The following CCDC88C variants were observed in gnomAD, a reference collection of about 807,000 sequenced individuals.
The protein encoded by CCDC88C is coiled-coil and HOOK domain protein 88C, also known as protein Daple.
Under a neutral mutation model 198.8 loss-of-function variants are expected in CCDC88C, and 131 were observed. That is an observed-to-expected ratio of 0.66 (90% confidence interval 0.57 to 0.76). The LOEUF (loss-of-function observed/expected upper bound fraction) is 0.76, where lower values mean the gene tolerates loss of function less well. Among genes scored for constraint, CCDC88C ranks in the 30% least tolerant of loss-of-function variants. The pLI, the probability that CCDC88C is intolerant of heterozygous loss-of-function variation, is 0.00. For missense variants in CCDC88C, 2,553 were observed against 2,631.6 expected (o/e 0.97, Z 0.65); for synonymous variants, 1,166 against 1,114.7 (o/e 1.05, Z -0.92).
Position 91,277,952 on chromosome 14 carries a change from C to T in CCDC88C, c.5028G>A (p.Leu1676=). 5.2e-6 allele frequency: 8 copies of T among 1,531,918 alleles called. No homozygotes were observed. Among genetic ancestry groups the T allele is most frequent in the Non-Finnish European group, 7.1e-6 (8 of 1,131,624 alleles). The allele number at this position is 1,531,918 out of a possible 1,614,324, so 94.9% of individuals were successfully genotyped here. ...SSEMVTLEEF[L]EESNRSSPTH... is the part of the protein sequence containing the mutation. Reference sequence around the variant, plus strand: ...TGGGGGAGCTGCGGTTGCTCTCCTCCAGGAACTCCTCCAAGGTGACCATCT... The same window carrying T: ...TGGGGGAGCTGCGGTTGCTCTCCTCTAGGAACTCCTCCAAGGTGACCATCT... The change falls in exon 29 of 30, where the codon CTG becomes CTA. Residue 1676 remains leucine (L), a synonymous_variant. Transcript: ENST00000389857.
In CCDC88C at chr14:91,303,850, C is replaced by G; in HGVS notation, c.3486G>C (p.Ala1162=). ...SLQRQQEQLT[A]AYEALLQDHE... is the part of the protein sequence containing the mutation. Reference sequence around the variant, plus strand: ...GGTCCTGCAGCAGGGCCTCGTAGGCCGCTGTAAGTTGCTCCTGCTGCCTCT... The same window carrying G: ...GGTCCTGCAGCAGGGCCTCGTAGGCGGCTGTAAGTTGCTCCTGCTGCCTCT... Residue 1162 remains alanine, a synonymous_variant, in exon 20 of 30, where the codon GCG becomes GCC. Coordinates refer to ENST00000389857, the MANE Select transcript of CCDC88C (RefSeq NM_001080414.4). 3.1e-6 allele frequency: 5 copies of G among 1,613,260 alleles called. No homozygotes were observed. The South Asian group carries it at 5.5e-5, about 18-fold the overall frequency.
chr14:91,304,072 G>A, intron 19 of CCDC88C, 94 bp from the exon 20 acceptor site: 1 of 1,440,306 alleles, frequency 6.9e-7, no homozygotes, highest in Admixed American at 1.8e-5. Flanking sequence ...CACGAAAATA[G>A]CCGGGACCCT....
rs753059993 is a variant in CCDC88C, at chr14:91,375,255, G to T, written c.271-15544C>A. 2.0e-5 allele frequency among the ~76,000 whole-genome samples: 3 copies of T among 152,140 alleles called. 1 individual carries two copies. The highest frequency in any genetic ancestry group is 4.4e-5 in the Non-Finnish European group (3 of 68,016). On this transcript the variant is annotated intron_variant, in intron 3 of 29. Transcript: ENST00000389857. The stretch of plus-strand genomic sequence containing the variant: ...CAGGCCCCAGGGTTAGCATGCGCGC[G>T]TGTCTGTGTGTGTGTGTGCGCGCGC...
chr14:91,378,209 G>C (rs1386672143), intron 3 of CCDC88C, among the ~76,000 whole-genome samples: 1 of 152,184 alleles, frequency 6.6e-6, no homozygotes, highest in African/African-American at 2.4e-5. Flanking sequence ...CCGCAAGCTG[G>C]CAGAGGTCAC....
At chr14:91,324,745 C>G (rs1379501302) in intron 12 of CCDC88C, 34 bp downstream of exon 12, 1 of 1,604,152 alleles carries the variant, frequency 6.2e-7, no homozygotes, top group East Asian at 2.2e-5. Flanking sequence ...GCGGCCACGG[C>G]CAGGCTGGCT....
At position 91,297,457 on chromosome 14, in the gene CCDC88C, A is replaced by G. The variant is rs892919628; in HGVS notation, c.3814T>C (p.Tyr1272His). The G allele has an allele frequency of 1.0e-5, 16 of 1,573,948 alleles. No individual in the cohort carries two copies. The highest frequency in any genetic ancestry group is 1.4e-5 in the Non-Finnish European group (16 of 1,159,800). The stretch of plus-strand genomic sequence containing the variant: ...TTGGTGTGGGCGTGCAGCTCCTCGT[A>G]CTCCCCCTTCAGCTGGTGGTGCAGG... ...NFLHHQLKGE[Y>H]EELHAHTKEL... Residue 1272 changes from tyrosine (Y) to histidine (H), a missense_variant, in exon 22 of 30, where the codon TAC becomes CAC. Physicochemically the swap from Tyr to His is moderately conservative, Grantham distance 83 (BLOSUM62 2). Transcript: ENST00000389857.
At chr14:91,356,405 TG>T (rs1412632309) in intron 4 of CCDC88C, among the ~76,000 whole-genome samples, 3 of 152,154 alleles carry the variant, frequency 2.0e-5, no homozygotes, top group Non-Finnish European at 4.4e-5. Flanking sequence ...CCCTCGGTGA[TG>T]GGTAGAGTTA....
chr14:91,371,243 C>CT lies in CCDC88C; in HGVS notation c.271-11533dup, dbSNP rs112623897. On this transcript the variant is annotated intron_variant, in intron 3 of 29. Coordinates refer to ENST00000389857, the MANE Select transcript of CCDC88C (RefSeq NM_001080414.4). This position sits in a 1 kb window ranked among gnomAD's most constrained non-coding sequence, Gnocchi z 4.2. The stretch of plus-strand genomic sequence containing the variant: ...ACTGTGACTTCATGGTGGTAGAGTA[C>CT]TTTTTTTTTTTAAGCTTCTTGGCAA... Among the ~76,000 whole-genome samples, 24,303 of 148,184 alleles carry CT rather than the reference C, an allele frequency of 0.16. 2,282 individuals carry two copies. Among genetic ancestry groups the CT allele is most frequent in the African/African-American group, 0.26 (10,710 of 40,460 alleles).
chr14:91,312,210 G>A (rs1384437105), intron 15 of CCDC88C, among the ~76,000 whole-genome samples: 5 of 152,020 alleles, frequency 3.3e-5, no homozygotes, highest in Admixed American at 6.6e-5. Context: ...CCAAGATGGC[G>A]AAACCCCACC....
At position 91,324,927 on chromosome 14, in the gene CCDC88C, G is replaced by A; in HGVS notation, c.1198-4C>T. ...GTTTCTTATCTGTGTCCCGGTCCTGGGGCAAGCAAGAAGAGGCAAGAAGTG... is the reference window on the plus strand; with the variant it reads ...GTTTCTTATCTGTGTCCCGGTCCTGAGGCAAGCAAGAAGAGGCAAGAAGTG... On this transcript the variant is annotated splice_polypyrimidine_tract_variant and splice_region_variant and intron_variant, in intron 11 of 29. Coordinates refer to ENST00000389857, the MANE Select transcript of CCDC88C (RefSeq NM_001080414.4). 14 of 1,613,418 alleles carry A rather than the reference G, an allele frequency of 8.7e-6. No homozygotes were observed. Among genetic ancestry groups the A allele is most frequent in the Non-Finnish European group, 1.1e-5 (13 of 1,179,888 alleles).
chr14:91,321,118 ACCTTCTTGCTGAGCTGGTGGTTCT>A lies in CCDC88C; in HGVS notation c.1505_1527+1del. On this transcript the variant is annotated splice_donor_variant and coding_sequence_variant, in exon 13 of 30. Coordinates refer to ENST00000389857, the MANE Select transcript of CCDC88C (RefSeq NM_001080414.4). LOFTEE classifies it high-confidence loss of function. The stretch of plus-strand genomic sequence containing the variant: ...CCCGGTGGCCTAAGGAGGCCGAGGT[ACCTTCTTGCTGAGCTGGTGGTTCT>A]CCTTCTCCAGCTCCCCGCACTTGAG... 6.2e-7 allele frequency: 1 copy of A among 1,606,666 alleles called. No individual in the cohort carries two copies. Among genetic ancestry groups the A allele is most frequent in the East Asian group, 2.2e-5 (1 of 44,784 alleles).
Position 91,303,736 on chromosome 14 carries a change from C to G in CCDC88C, c.3600G>C (p.Arg1200=). ...RQHSCLKTLH[R]NLELEHKELG... is the part of the protein sequence containing the mutation. ...GCTCCTTGTGCTCCAGCTCCAGATT[C>G]CGATGCAGTGTCTTTAGGCAGCTGT... The change falls in exon 20 of 30, where the codon CGG becomes CGC. Residue 1200 remains arginine (R), a synonymous_variant. Transcript: ENST00000389857. 6.2e-7 allele frequency: 1 copy of G among 1,607,450 alleles called. No individual in the cohort carries two copies. The highest frequency in any genetic ancestry group is 1.3e-5 in the African/African-American group (1 of 74,948).
chr14:91,411,751 T>C (rs1886799202), intron 2 of CCDC88C, among the ~76,000 whole-genome samples: 1 of 151,948 alleles, frequency 6.6e-6, no homozygotes, highest in South Asian at 2.1e-4. Flanking sequence ...TCACTTGAGG[T>C]CAGGAGTTCG....
intron 28 of CCDC88C, 103 bp downstream of exon 28, chr14:91,279,135 A>C (rs972250667): frequency 1.2e-5 from 11 of 915,208 alleles, no homozygotes; most frequent in Non-Finnish European, 1.9e-5. Context: ...CCTGGGCTCA[A>C]GCGATCCACC....
intron 25 of CCDC88C, chr14:91,285,872 A>G (rs1260357424): frequency 1.7e-6 from 2 of 1,159,730 alleles, no homozygotes; most frequent in Non-Finnish European, 1.1e-6. Context: ...CAAAGGAGGA[A>G]GGAAAAAGAA....
intron 2 of CCDC88C, among the ~76,000 whole-genome samples, chr14:91,410,502 G>C (rs1872047887): frequency 6.6e-6 from 1 of 152,204 alleles, no homozygotes; most frequent in East Asian, 1.9e-4. Flanking sequence ...TACAGTGATG[G>C]AGTGTGGCCA....
chr14:91,401,476 A>C (rs907207567), intron 3 of CCDC88C, among the ~76,000 whole-genome samples: 8 of 151,260 alleles, frequency 5.3e-5, no homozygotes, highest in African/African-American at 1.9e-4. Flanking sequence ...CTGGGACTAC[A>C]GTCGCCCACC....
At position 91,338,850 on chromosome 14, in the gene CCDC88C, C is replaced by A. The variant is rs960259683; in HGVS notation, c.810-280G>T. 1 of 502,218 alleles carries A rather than the reference C, an allele frequency of 2.0e-6. No homozygotes were observed. The highest frequency in any genetic ancestry group is 3.6e-6 in the Non-Finnish European group (1 of 275,850). The allele number at this position is 502,218 out of a possible 1,614,324, so 31.1% of individuals were successfully genotyped here. A position where few individuals can be genotyped will look rare whatever the true frequency, so the allele number is the denominator to read the frequency against. ...TAAGGAGACCCCAGCGGCAGCTGTA[C>A]CACCCCACAGCCAGGCTCCACAGGT... is the stretch of plus-strand genomic sequence containing the variant. On this transcript the variant is annotated intron_variant, in intron 8 of 29. Transcript: ENST00000389857. This position sits in a 1 kb window ranked among gnomAD's most constrained non-coding sequence, Gnocchi z 4.8.
Position 91,390,007 on chromosome 14 carries a change from G to A in CCDC88C, c.270+18652C>T, listed in dbSNP as rs547078158. On this transcript the variant is annotated intron_variant, in intron 3 of 29. Transcript: ENST00000389857. ...GAATGGCGTGAACCCGGGAGGCGGAGCTTGCAGTGAGCCGAGATTGTGCCA... is the reference window on the plus strand; with the variant it reads ...GAATGGCGTGAACCCGGGAGGCGGAACTTGCAGTGAGCCGAGATTGTGCCA... Among the ~76,000 whole-genome samples, 35 of 152,040 alleles carry A rather than the reference G, an allele frequency of 2.3e-4. No individual in the cohort carries two copies. The South Asian group carries it at 2.5e-3, about 11-fold the overall frequency.
Sources: allele counts gnomAD v4.1 joint callset (sites outside exome capture counted in the v4.1 genomes callset), GRCh38; gene constraint gnomAD v4.1.1; non-coding constraint Gnocchi (gnomAD v3.1); transcripts MANE v1.5; gene names NCBI Gene and HGNC (gene_info 2026-07-23, HGNC 2026-07-21).